Variants in KIF5A observed in about 807,000 individuals in gnomAD.
The protein encoded by KIF5A is kinesin heavy chain isoform 5A.
A neutral mutation model predicts 141.3 loss-of-function variants in KIF5A; 35 were observed. The ratio of observed to expected loss-of-function variants is 0.25; its 90% CI spans 0.19 to 0.33. The LOEUF (loss-of-function observed/expected upper bound fraction) is 0.33, where lower values mean the gene tolerates loss of function less well. KIF5A is among the 10% of genes least tolerant of loss of function. KIF5A has a pLI of 1.00. For missense variants in KIF5A, 861 were observed against 1,314.3 expected, an observed-to-expected ratio of 0.66 and a Z score of 5.33; for synonymous variants, 448 against 500.2, an observed-to-expected ratio of 0.90 and a Z score of 1.39.
intron 28 of KIF5A, among the ~76,000 whole-genome samples, chr12:57,583,547 A>AG (rs1410538483): frequency 6.6e-6 from 1 of 152,194 alleles, no homozygotes; most frequent in African/African-American, 2.4e-5. Flanking sequence ...GGTAGACTGC[A>AG]GATCTATCAG....
intron 3 of KIF5A, 64 bp downstream of exon 3, chr12:57,563,757 G>A (rs1268920124): frequency 1.7e-5 from 24 of 1,421,834 alleles, no homozygotes; most frequent in Non-Finnish European, 2.2e-5. Flanking sequence ...GGGAATCTCA[G>A]TGGGGGAAGG....
chr12:57,551,518 C>G (rs1036667790), intron 1 of KIF5A, among the ~76,000 whole-genome samples: 8 of 152,144 alleles, frequency 5.3e-5, no homozygotes, highest in African/African-American at 1.9e-4. Flanking sequence ...TGGTAGGGAC[C>G]TCAGGCTGTG....
Position 57,572,785 on chromosome 12 carries a change from G to A in KIF5A, c.1716+59G>A. On this transcript the variant is annotated intron_variant, in intron 15 of 28. Transcript: ENST00000455537. The surrounding 1 kb of genome is among the most constrained non-coding windows in gnomAD (Gnocchi z 4.2). ...TGGGCACTAGTGGAAGACGCAAGAT[G>A]AGCCATCCAGGCCTTCACAGATACT... 1 of 1,597,068 alleles carries A rather than the reference G, an allele frequency of 6.3e-7. No homozygotes were observed. The highest frequency in any genetic ancestry group is 8.6e-7 in the Non-Finnish European group (1 of 1,164,610).
chr12:57,555,480 A>G (rs1054540025), intron 1 of KIF5A, among the ~76,000 whole-genome samples: 1 of 152,180 alleles, frequency 6.6e-6, no homozygotes, highest in Non-Finnish European at 1.5e-5. Flanking sequence ...AGTCCCAGCT[A>G]CTCAGGAGGC....
At chr12:57,580,164 G>C (rs1361845379) in intron 23 of KIF5A, among the ~76,000 whole-genome samples, 1 of 152,178 alleles carries the variant, frequency 6.6e-6, no homozygotes, top group Non-Finnish European at 1.5e-5. Flanking sequence ...CCGCTATGCT[G>C]ATTTACCCGC....
chr12:57,553,618 A>C (rs930280936), intron 1 of KIF5A, among the ~76,000 whole-genome samples: 1 of 152,188 alleles, frequency 6.6e-6, no homozygotes, highest in South Asian at 2.1e-4. Context: ...TTCAGCTTAT[A>C]CCAAGTGCTT....
chr12:57,582,020 G>A (rs949107104), intron 26 of KIF5A, 68 bp downstream of exon 26: 2 of 1,263,704 alleles, frequency 1.6e-6, no homozygotes, highest in Non-Finnish European at 2.3e-6. Context: ...ATAAAAGTAA[G>A]TGACCTTAGT....
intron 23 of KIF5A, among the ~76,000 whole-genome samples, chr12:57,579,727 A>C (rs1324977967): frequency 2.0e-5 from 3 of 152,164 alleles, no homozygotes; most frequent in Non-Finnish European, 4.4e-5. Flanking sequence ...GTCCAAATCC[A>C]TATTATGTTG....
At chr12:57,554,676 T>C (rs113399207) in intron 1 of KIF5A, among the ~76,000 whole-genome samples, 161 of 152,268 alleles carry the variant, frequency 1.1e-3, no homozygotes, top group African/African-American at 3.8e-3. Context: ...CTGCAGGCTG[T>C]ACAAGAAGCA....
At position 57,582,557 on chromosome 12, in the gene KIF5A, T is replaced by C. The variant is rs771767586; in HGVS notation, c.2993-45T>C. The C allele has an allele frequency of 1.9e-6, 3 of 1,557,118 alleles. No individual in the cohort carries two copies. In the South Asian group the frequency reaches 3.3e-5, roughly 17 times the overall value. On this transcript the variant is annotated intron_variant, in intron 26 of 28. Transcript: ENST00000455537. ...AAACTGTTTCTAACACCCAATCTCC[T>C]TTTTTCTTCTTCTAATCCTGTGTTC...
Position 57,572,401 on chromosome 12 carries a change from C to T in KIF5A, c.1569+134C>T. On this transcript the variant is annotated intron_variant, in intron 14 of 28. Coordinates refer to ENST00000455537, the MANE Select transcript of KIF5A (RefSeq NM_004984.4). The surrounding 1 kb of genome is among the most constrained non-coding windows in gnomAD (Gnocchi z 4.2). Reference sequence around the variant, plus strand: ...GCTGTTCAGTGCATTGTGAGTCCCTCCCCAACCCTGTCACTGCACTTTCCC... The same window carrying T: ...GCTGTTCAGTGCATTGTGAGTCCCTTCCCAACCCTGTCACTGCACTTTCCC... 1 of 1,244,042 alleles carries T rather than the reference C, an allele frequency of 8.0e-7. No homozygotes were observed. Among genetic ancestry groups the T allele is most frequent in the Non-Finnish European group, 1.1e-6 (1 of 870,466 alleles). 77.1% of individuals were successfully genotyped at this position (1,244,042 alleles called of 1,614,324 possible).
intron 23 of KIF5A, among the ~76,000 whole-genome samples, chr12:57,580,682 A>C (rs990292768): frequency 3.3e-5 from 5 of 152,226 alleles, no homozygotes; most frequent in African/African-American, 1.2e-4. Context: ...TCTGGGCTGC[A>C]GTGGAGATGG....
intron 12 of KIF5A, among the ~76,000 whole-genome samples, chr12:57,571,070 G>C (rs1369682909): frequency 6.6e-6 from 1 of 151,612 alleles, no homozygotes; most frequent in African/African-American, 2.4e-5. Flanking sequence ...CAATGCGCTG[G>C]GATTAAAGGC....
intron 8 of KIF5A, 77 bp downstream of exon 8, chr12:57,567,695 C>T: frequency 6.9e-7 from 1 of 1,451,930 alleles, no homozygotes; most frequent in South Asian, 1.3e-5. Context: ...GAGTCTCACT[C>T]TGTCGCCCGG....
In KIF5A at chr12:57,572,667, G is replaced by A. The variant is rs1882292825; in HGVS notation, c.1657G>A (p.Gly553Arg). 9.3e-6 allele frequency: 15 copies of A among 1,614,144 alleles called. No homozygotes were observed. Among genetic ancestry groups the A allele is most frequent in the Non-Finnish European group, 1.3e-5 (15 of 1,180,054 alleles). Residue 553 changes from glycine to arginine, a missense_variant, in exon 15 of 29, where the codon GGG becomes AGG. Physicochemically the swap from Gly to Arg is moderately radical, Grantham distance 125. Coordinates refer to ENST00000455537, the MANE Select transcript of KIF5A (RefSeq NM_004984.4). The surrounding 1 kb of genome is among the most constrained non-coding windows in gnomAD (Gnocchi z 4.2). The part of the protein sequence containing the change: ...QRKRIAEVLN[G>R]LMKDLSEFSV... ...AAAACGAATTGCTGAGGTGCTGAACGGGCTGATGAAGGATCTGAGCGAGTT... is the reference window on the plus strand; with the variant it reads ...AAAACGAATTGCTGAGGTGCTGAACAGGCTGATGAAGGATCTGAGCGAGTT...
At chr12:57,584,152 C>T (rs1336505919) in intron 28 of KIF5A, 66 bp from the exon 29 acceptor site, 3 of 152,488 alleles carry the variant, frequency 2.0e-5, no homozygotes. Flanking sequence ...GCAGATGCCA[C>T]CTGTTCCTGT....
At chr12:57,553,850 A>G (rs1881652179) in intron 1 of KIF5A, among the ~76,000 whole-genome samples, 1 of 152,134 alleles carries the variant, frequency 6.6e-6, no homozygotes, top group African/African-American at 2.4e-5. Flanking sequence ...AGAAGGCTAT[A>G]AGGAGCACTT....
At chr12:57,563,802 A>G in intron 3 of KIF5A, 109 bp downstream of exon 3, 2 of 1,003,560 alleles carry the variant, frequency 2.0e-6, no homozygotes, top group Non-Finnish European at 1.6e-6. Context: ...CCAGAGGCAG[A>G]TAGATGAGTA....
At chr12:57,574,975 A>G in intron 15 of KIF5A, 109 bp from the exon 16 acceptor site, 1 of 950,598 alleles carries the variant, frequency 1.1e-6, no homozygotes, top group Non-Finnish European at 1.7e-6. Flanking sequence ...TACCCATCCC[A>G]TTTGAGTCCC....
Sources: allele counts gnomAD v4.1 joint callset (sites outside exome capture counted in the v4.1 genomes callset), GRCh38; gene constraint gnomAD v4.1.1; non-coding constraint Gnocchi (gnomAD v3.1); transcripts MANE v1.5; gene names NCBI Gene and HGNC (gene_info 2026-07-23, HGNC 2026-07-21).